SGCZ: variants seen among roughly 807,000 people sequenced by gnomAD.
The protein encoded by SGCZ is sarcoglycan zeta.
A neutral mutation model predicts 41.3 loss-of-function variants in SGCZ; 40 were observed. That is an observed-to-expected ratio of 0.97 (90% confidence interval 0.75 to 1.26). SGCZ has a LOEUF of 1.26. SGCZ is among the 50% of genes most tolerant of loss of function. The pLI is 0.00. For missense variants in SGCZ, 552 were observed against 369.8 expected (o/e 1.49, Z -4.04); for synonymous variants, 206 against 137.5 (o/e 1.50, Z -3.49).
intron 1 of SGCZ, among the ~76,000 whole-genome samples, chr8:14,750,487 A>C (rs1799465170): frequency 6.6e-6 from 1 of 152,162 alleles, no homozygotes; most frequent in African/African-American, 2.4e-5. Context: ...CTAAGGAAGG[A>C]AGGAGAGAGC....
At chr8:14,102,830 T>C (rs1585135976) in intron 6 of SGCZ, among the ~76,000 whole-genome samples, 2 of 152,274 alleles carry the variant, frequency 1.3e-5, no homozygotes, top group South Asian at 4.1e-4. Context: ...TAAGTATACT[T>C]GCTAAAATTT....
chr8:14,411,437 A>T (rs1013447818), intron 2 of SGCZ, among the ~76,000 whole-genome samples: 11 of 152,158 alleles, frequency 7.2e-5, no homozygotes, highest in Admixed American at 7.2e-4. Flanking sequence ...TTCATTACAC[A>T]AAATGCCTAA....
intron 1 of SGCZ, among the ~76,000 whole-genome samples, chr8:14,572,945 C>G (rs959594873): frequency 6.6e-6 from 1 of 152,090 alleles, no homozygotes; most frequent in Non-Finnish European, 1.5e-5. Flanking sequence ...CCTATACATG[C>G]AAAGCATTTT....
intron 3 of SGCZ, among the ~76,000 whole-genome samples, chr8:14,304,641 C>G (rs898376219): frequency 1.3e-5 from 2 of 152,050 alleles, no homozygotes; most frequent in African/African-American, 4.8e-5. Context: ...AAATAAATAT[C>G]GCTCAGGTTT....
chr8:15,011,190 ATAGT>A (rs1802814344), intron 1 of SGCZ, among the ~76,000 whole-genome samples: 1 of 152,222 alleles, frequency 6.6e-6, no homozygotes, highest in South Asian at 2.1e-4. Flanking sequence ...ATTATCCTAC[ATAGT>A]TAAAGTAGGT....
intron 2 of SGCZ, among the ~76,000 whole-genome samples, chr8:14,423,453 G>T (rs1024684113): frequency 1.9e-4 from 29 of 152,004 alleles, no homozygotes; most frequent in African/African-American, 6.5e-4. Flanking sequence ...TTTCGCTCTT[G>T]TTGGCCAGGC....
chr8:14,879,587 GACACACAGAC>G (rs1371791817), intron 1 of SGCZ, among the ~76,000 whole-genome samples: 2 of 104,558 alleles, frequency 1.9e-5, no homozygotes, highest in African/African-American at 4.5e-5. Flanking sequence ...CACACACACA[GACACACAGAC>G]ACACACACAC....
chr8:15,126,383 A>T (rs1207465102), intron 1 of SGCZ, among the ~76,000 whole-genome samples: 1 of 152,182 alleles, frequency 6.6e-6, no homozygotes, highest in Non-Finnish European at 1.5e-5. Flanking sequence ...AAGATTTTTT[A>T]AAATAAGCTT....
chr8:15,233,329 C>CAAAA (rs967747755), intron 1 of SGCZ, among the ~76,000 whole-genome samples: 3 of 65,698 alleles, frequency 4.6e-5, no homozygotes, highest in East Asian at 7.9e-4. Context: ...TTAAACAAAC[C>CAAAA]AAAAAAAAAA....
intron 1 of SGCZ, among the ~76,000 whole-genome samples, chr8:14,732,405 A>G (rs1798889864): frequency 6.6e-6 from 1 of 152,212 alleles, no homozygotes; most frequent in Non-Finnish European, 1.5e-5. Context: ...AAGCTAAGAA[A>G]GAAAATAAAT....
chr8:15,225,779 C>A (rs1043913456), intron 1 of SGCZ, among the ~76,000 whole-genome samples: 1 of 152,102 alleles, frequency 6.6e-6, no homozygotes, highest in Non-Finnish European at 1.5e-5. Flanking sequence ...CCAGGTGGTT[C>A]CTTAATAAAG....
chr8:14,860,382 CA>C (rs1243013335), intron 1 of SGCZ, among the ~76,000 whole-genome samples: 1 of 150,920 alleles, frequency 6.6e-6, no homozygotes, highest in Non-Finnish European at 1.5e-5. Context: ...CTTTAATTGA[CA>C]AACTGGGTTT....
At chr8:15,132,927 G>T (rs1289034668) in intron 1 of SGCZ, among the ~76,000 whole-genome samples, 3 of 152,140 alleles carry the variant, frequency 2.0e-5, no homozygotes, top group Admixed American at 6.5e-5. Context: ...GACTGCATGA[G>T]CCCAAGAGTT....
intron 1 of SGCZ, among the ~76,000 whole-genome samples, chr8:14,560,708 A>T (rs1242467047): frequency 6.6e-6 from 1 of 152,176 alleles, no homozygotes; most frequent in Non-Finnish European, 1.5e-5. Flanking sequence ...CTATGAAATA[A>T]AACATACACA....
At chr8:14,966,701 T>C (rs374459738) in intron 1 of SGCZ, among the ~76,000 whole-genome samples, 16 of 152,188 alleles carry the variant, frequency 1.1e-4, no homozygotes, top group African/African-American at 3.9e-4. Flanking sequence ...ATGATATTAA[T>C]GTGCACGCAC....
chr8:14,776,518 C>CTTTTTTTT (rs35602866), intron 1 of SGCZ, among the ~76,000 whole-genome samples: 80 of 116,612 alleles, frequency 6.9e-4, no homozygotes, highest in Non-Finnish European at 1.0e-3. Context: ...TTTTCTTTTT[C>CTTTTTTTT]TTTTTTTTTT....
intron 2 of SGCZ, among the ~76,000 whole-genome samples, chr8:14,532,914 T>C (rs543173026): frequency 5.3e-5 from 8 of 152,078 alleles, no homozygotes; most frequent in South Asian, 4.2e-4. Context: ...AACAACTCAG[T>C]CTACAACTTT....
intron 1 of SGCZ, among the ~76,000 whole-genome samples, chr8:14,589,926 A>G (rs1805187093): frequency 6.6e-6 from 1 of 152,082 alleles, no homozygotes; most frequent in Admixed American, 6.6e-5. Context: ...TTCTTTATTG[A>G]CTCCTGTAAT....
intron 1 of SGCZ, among the ~76,000 whole-genome samples, chr8:14,743,383 G>C (rs1337576245): frequency 6.6e-6 from 1 of 151,920 alleles, no homozygotes; most frequent in Non-Finnish European, 1.5e-5. Flanking sequence ...GTTTTGAACA[G>C]TTTTAAATAT....
Sources: gnomAD v4.1 joint callset for allele counts (sites outside exome capture counted in the v4.1 genomes callset) on GRCh38, gnomAD v4.1.1 for gene constraint, MANE v1.5 for transcripts, NCBI Gene and HGNC (gene_info 2026-07-23, HGNC 2026-07-21) for gene names.